TBC1D5: variants seen among roughly 807,000 people sequenced by gnomAD.
TBC1D5 encodes the protein TBC1 domain family, member 5.
In TBC1D5, 75 loss-of-function variants were observed where a neutral mutation model predicts 100.3. That is an observed-to-expected ratio of 0.75 (90% CI 0.62 to 0.91). The LOEUF (loss-of-function observed/expected upper bound fraction) is 0.91, where lower values mean the gene tolerates loss of function less well. Among genes scored for constraint, TBC1D5 ranks in the 40% least tolerant of loss-of-function variants. TBC1D5 has a pLI of 0.00. For missense variants in TBC1D5, 910 were observed against 942.4 expected, an observed-to-expected ratio of 0.97 and a Z score of 0.45; for synonymous variants, 323 against 325.6, an observed-to-expected ratio of 0.99 and a Z score of 0.09.
At chr3:17,317,948 T>C (rs1398336572) in intron 13 of TBC1D5, among the ~76,000 whole-genome samples, 1 of 152,006 alleles carries the variant, frequency 6.6e-6, no homozygotes, top group East Asian at 1.9e-4. Context: ...TGCGGCACTA[T>C]TCACAATAGC....
intron 12 of TBC1D5, 63 bp from the exon 13 acceptor site, chr3:17,372,310 A>AT: frequency 7.1e-7 from 1 of 1,402,314 alleles, no homozygotes; most frequent in Non-Finnish European, 9.5e-7. Flanking sequence ...TATGGATGTC[A>AT]TTCTTTATCA....
At chr3:17,505,399 C>T (rs138735344) in intron 3 of TBC1D5, among the ~76,000 whole-genome samples, 8 of 152,194 alleles carry the variant, frequency 5.3e-5, no homozygotes, top group Non-Finnish European at 1.0e-4. Flanking sequence ...AAGGCCCTCA[C>T]CAGGAGCAGA....
chr3:17,409,436 C>T (rs1010526510), intron 4 of TBC1D5, among the ~76,000 whole-genome samples: 1 of 152,024 alleles, frequency 6.6e-6, no homozygotes, highest in East Asian at 1.9e-4. Context: ...ACAATGGCCT[C>T]GTACTGTTCG....
intron 3 of TBC1D5, among the ~76,000 whole-genome samples, chr3:17,495,930 T>G (rs1455951043): frequency 6.6e-6 from 1 of 152,234 alleles, no homozygotes; most frequent in African/African-American, 2.4e-5. Context: ...TATGTTCCCC[T>G]TCTTAACTAT....
intron 2 of TBC1D5, among the ~76,000 whole-genome samples, chr3:17,612,678 T>C (rs1199664433): frequency 6.6e-6 from 1 of 151,724 alleles, no homozygotes. Flanking sequence ...AAAATAATTA[T>C]ACATAGAAGA....
At chr3:17,620,199 C>T (rs943515041) in intron 2 of TBC1D5, among the ~76,000 whole-genome samples, 1 of 152,178 alleles carries the variant, frequency 6.6e-6, no homozygotes, top group Non-Finnish European at 1.5e-5. Context: ...AGTGTAATAG[C>T]TCACTGCAGC....
intron 1 of TBC1D5, among the ~76,000 whole-genome samples, chr3:17,631,194 G>T (rs752623329): frequency 6.6e-6 from 1 of 152,120 alleles, no homozygotes; most frequent in Admixed American, 6.5e-5. Flanking sequence ...TATGAAGAAA[G>T]CATGTGTGGT....
intron 2 of TBC1D5, among the ~76,000 whole-genome samples, chr3:17,617,566 C>A (rs1166691598): frequency 6.6e-6 from 1 of 152,132 alleles, no homozygotes; most frequent in Non-Finnish European, 1.5e-5. Context: ...GCACACAGTC[C>A]CATATTTCTT....
chr3:17,408,968 G>A (rs1224203647), intron 4 of TBC1D5, among the ~76,000 whole-genome samples: 1 of 151,998 alleles, frequency 6.6e-6, no homozygotes, highest in Non-Finnish European at 1.5e-5. Context: ...TTTCCAAGTA[G>A]TTACGCATAT....
chr3:17,504,499 A>G (rs1349679396), intron 3 of TBC1D5, among the ~76,000 whole-genome samples: 3 of 152,220 alleles, frequency 2.0e-5, no homozygotes, highest in Non-Finnish European at 4.4e-5. Flanking sequence ...AATGCTCTGA[A>G]TGAATCAAAA....
At chr3:17,319,416 T>C (rs1415667018) in intron 13 of TBC1D5, among the ~76,000 whole-genome samples, 2 of 148,142 alleles carry the variant, frequency 1.4e-5, no homozygotes, top group African/African-American at 2.5e-5. Flanking sequence ...TGTGGAGTTA[T>C]TGTTTTGCTA....
At chr3:17,552,660 G>A (rs1235790806) in intron 2 of TBC1D5, among the ~76,000 whole-genome samples, 1 of 152,108 alleles carries the variant, frequency 6.6e-6, no homozygotes, top group Non-Finnish European at 1.5e-5. Context: ...AACACCAGGT[G>A]GTGGTGCTAA....
intron 3 of TBC1D5, among the ~76,000 whole-genome samples, chr3:17,463,938 T>TGGAA (rs2095257979): frequency 6.7e-6 from 1 of 149,646 alleles, no homozygotes; most frequent in Non-Finnish European, 1.5e-5. Flanking sequence ...TAGCATTCCT[T>TGGAA]ATTCCTTTTT....
intron 19 of TBC1D5, among the ~76,000 whole-genome samples, chr3:17,176,495 A>G (rs2067746312): frequency 6.6e-6 from 1 of 152,194 alleles, no homozygotes; most frequent in Admixed American, 6.5e-5. Flanking sequence ...AAATGATCAG[A>G]CTTTTATTTA....
intron 17 of TBC1D5, among the ~76,000 whole-genome samples, chr3:17,220,929 T>G (rs2074209740): frequency 6.6e-6 from 1 of 152,340 alleles, no homozygotes; most frequent in African/African-American, 2.4e-5. Flanking sequence ...ACTGAATTTA[T>G]TCATCTCTTC....
chr3:17,539,368 C>T (rs1024727973), intron 2 of TBC1D5, among the ~76,000 whole-genome samples: 39 of 152,114 alleles, frequency 2.6e-4, no homozygotes, highest in African/African-American at 8.9e-4. Context: ...TAATTCTCTC[C>T]AGCATCAGAG....
At chr3:17,520,222 A>G (rs1180261476) in intron 2 of TBC1D5, among the ~76,000 whole-genome samples, 1 of 152,236 alleles carries the variant, frequency 6.6e-6, no homozygotes, top group Non-Finnish European at 1.5e-5. Flanking sequence ...ATTAGCCTGC[A>G]TTTAATTACC....
At chr3:17,502,984 C>T (rs556545585) in intron 3 of TBC1D5, among the ~76,000 whole-genome samples, 10 of 149,670 alleles carry the variant, frequency 6.7e-5, no homozygotes, top group African/African-American at 1.8e-4. Flanking sequence ...TAGAATATTT[C>T]GATGGCTTCC....
chr3:17,361,843 A>G (rs111461758), intron 13 of TBC1D5, among the ~76,000 whole-genome samples: 1 of 152,142 alleles, frequency 6.6e-6, no homozygotes, highest in African/African-American at 2.4e-5. Context: ...GAAAGAGAAG[A>G]GGAAAATAAA....
Sources: gnomAD v4.1 joint callset for allele counts (sites outside exome capture counted in the v4.1 genomes callset) on GRCh38, gnomAD v4.1.1 for gene constraint, MANE v1.5 for transcripts, NCBI Gene and HGNC (gene_info 2026-07-23, HGNC 2026-07-21) for gene names.